OR4N5: variants seen among roughly 807,000 people sequenced by gnomAD.
OR4N5 encodes olfactory receptor 4N5.
For synonymous variants in OR4N5, 155 were observed against 140.6 expected, an observed-to-expected ratio of 1.10 and a Z score of -0.72; for missense variants, 428 against 370.0, an observed-to-expected ratio of 1.16 and a Z score of -1.29.
At position 20,144,654 on chromosome 14, in the gene OR4N5, T is replaced by A. The variant is rs147051527; in HGVS notation, c.919T>A (p.Phe307Ile). Residue 307 changes from phenylalanine to isoleucine, a missense_variant, in exon 3 of 3, where the codon TTT (phenylalanine) becomes ATT (isoleucine). Coordinates refer to ENST00000641086, the MANE Select transcript of OR4N5 (RefSeq NM_001004724.2). ...SMRKLLSQHM[F>I]C ...GAGGAAGTTGTTAAGTCAACATATG[T>A]TTTGCTGAATAGAAGAAAGAGAAAA... The A allele has an allele frequency of 6.3e-7, 1 of 1,599,016 alleles. No individual in the cohort carries two copies. Among genetic ancestry groups the A allele is most frequent in the Non-Finnish European group, 8.5e-7 (1 of 1,173,234 alleles).
At position 20,145,213 on chromosome 14, in the gene OR4N5, G is replaced by T. The variant is rs1412746925; in HGVS notation, c.*551G>T. 6.6e-6 allele frequency: 1 copy of T among 152,082 alleles called. No individual in the cohort carries two copies. The highest frequency in any genetic ancestry group is 1.9e-4 in the East Asian group (1 of 5,192). 9.4% of individuals were successfully genotyped at this position (152,082 alleles called of 1,614,324 possible). A position where few individuals can be genotyped will look rare whatever the true frequency, so the allele number is the denominator to read the frequency against. On this transcript the variant is annotated 3_prime_UTR_variant, in exon 3 of 3. Transcript: ENST00000641086. Reference sequence around the variant, plus strand: ...TACTATATTTAGTGAATGTGAAAATGGCAAAAATTGAAGTCAAAGAATTTG... The same window carrying T: ...TACTATATTTAGTGAATGTGAAAATTGCAAAAATTGAAGTCAAAGAATTTG...
At chr14:20,142,866 T>C (rs1258386290) in intron 2 of OR4N5, among the ~76,000 whole-genome samples, 1 of 152,242 alleles carries the variant, frequency 6.6e-6, no homozygotes, top group East Asian at 1.9e-4. Flanking sequence ...CTATTATATT[T>C]TAATTTTATT....
Position 20,144,543 on chromosome 14 carries a change from G to C in OR4N5, c.808G>C (p.Val270Leu). 6.2e-7 allele frequency: 1 copy of C among 1,613,968 alleles called. No homozygotes were observed. The highest frequency in any genetic ancestry group is 2.2e-5 in the East Asian group (1 of 44,870). Residue 270 changes from valine to leucine, a missense_variant, in exon 3 of 3, where the codon GTA (valine) becomes CTA (leucine). Coordinates refer to ENST00000641086, the MANE Select transcript of OR4N5 (RefSeq NM_001004724.2). ...CTTCCAGGCTTTCCCAGCTGACAAG[G>C]TAGTTTCTCTTTTCCATACTGTCAT... ...CPFQAFPADK[V>L]VSLFHTVIFP...
chr14:20,140,855 GC>G lies in OR4N5; in HGVS notation c.-364del, dbSNP rs1394118324. ...CTTATCTGACTAGAACAAGAAGTTT[GC>G]CCCTGTGAGATCCATTGTTTGGTGC... On this transcript the variant is annotated 5_prime_UTR_variant, in exon 2 of 3. Coordinates refer to ENST00000641086, the MANE Select transcript of OR4N5 (RefSeq NM_001004724.2). 1.3e-5 allele frequency: 2 copies of G among 151,174 alleles called. No homozygotes were observed. Among genetic ancestry groups the G allele is most frequent in the Non-Finnish European group, 2.9e-5 (2 of 67,882 alleles). 9.4% of individuals were successfully genotyped at this position (151,174 alleles called of 1,614,324 possible). A position where few individuals can be genotyped will look rare whatever the true frequency, so the allele number is the denominator to read the frequency against.
chr14:20,139,499 A>T (rs1201847749), intron 1 of OR4N5, among the ~76,000 whole-genome samples: 1 of 152,144 alleles, frequency 6.6e-6, no homozygotes, highest in Non-Finnish European at 1.5e-5. Context: ...GACCCTTCCT[A>T]GAACCTCCAC....
In OR4N5 at chr14:20,144,023, C is replaced by T; in HGVS notation, c.288C>T (p.Ser96=). ...AGAAGAAGGTAATCTCCTATAGAAGCTGCATCACTCAGCTCTTTTTCTTGC... is the reference window on the plus strand; with the variant it reads ...AGAAGAAGGTAATCTCCTATAGAAGTTGCATCACTCAGCTCTTTTTCTTGC... ...LSEKKVISYR[S]CITQLFFLHF... Residue 96 remains serine (S), a synonymous_variant, in exon 3 of 3, where the codon AGC becomes AGT. Transcript: ENST00000641086. 1.2e-6 allele frequency: 2 copies of T among 1,614,098 alleles called. No individual in the cohort carries two copies. The highest frequency in any genetic ancestry group is 1.7e-6 in the Non-Finnish European group (2 of 1,179,994).
At position 20,143,792 on chromosome 14, in the gene OR4N5, GTCTCAAGATGC is replaced by G; in HGVS notation, c.60_70del (p.Gln21ThrfsTer64). 7 of 1,613,932 alleles carry G rather than the reference GTCTCAAGATGC, an allele frequency of 4.3e-6. No homozygotes were observed. Among genetic ancestry groups the G allele is most frequent in the Non-Finnish European group, 5.9e-6 (7 of 1,179,864 alleles). ...AATTCATTCTTCTTGGTCTGACCCA[GTCTCAAGATGC>G]TCAACTTCTGGTCTTTGTGCTAGTC... On this transcript the variant is annotated frameshift_variant, in exon 3 of 3. Coordinates refer to ENST00000641086, the MANE Select transcript of OR4N5 (RefSeq NM_001004724.2). LOFTEE classifies it low-confidence loss of function (END_TRUNC).
intron 2 of OR4N5, 105 bp from the exon 3 acceptor site, chr14:20,143,620 C>T (rs1315006626): frequency 1.6e-5 from 12 of 766,128 alleles, no homozygotes; most frequent in Non-Finnish European, 1.7e-5. Context: ...TCTTCAGCTA[C>T]GGAACATTGG....
intron 2 of OR4N5, among the ~76,000 whole-genome samples, chr14:20,142,189 G>C (rs143638650): frequency 0.018 from 2,721 of 151,726 alleles, 33 homozygotes; most frequent in Middle Eastern, 0.052. Flanking sequence ...ACAGTGGTGC[G>C]ATCTCAGCTC....
In OR4N5 at chr14:20,144,497, T is replaced by C; in HGVS notation, c.762T>C (p.Ala254=). 1 of 1,613,894 alleles carries C rather than the reference T, an allele frequency of 6.2e-7. No homozygotes were observed. Among genetic ancestry groups the C allele is most frequent in the South Asian group, 1.1e-5 (1 of 91,068 alleles). Reference sequence around the variant, plus strand: ...TTATATTTCTCATGTTTGGACCTGCTATTTTCATCTACACTTGCCCCTTCC... The same window carrying C: ...TTATATTTCTCATGTTTGGACCTGCCATTTTCATCTACACTTGCCCCTTCC... ...IIIIFLMFGP[A]IFIYTCPFQA... The change falls in exon 3 of 3, where the codon GCT becomes GCC. Residue 254 remains alanine, a synonymous_variant. Coordinates refer to ENST00000641086, the MANE Select transcript of OR4N5 (RefSeq NM_001004724.2).
intron 1 of OR4N5, among the ~76,000 whole-genome samples, chr14:20,139,750 T>C (rs1479364910): frequency 1.3e-5 from 2 of 152,150 alleles, no homozygotes; most frequent in Non-Finnish European, 1.5e-5. Flanking sequence ...TTCTCTTTAA[T>C]AGATTCAAAA....
In OR4N5 at chr14:20,143,708, C is replaced by T; in HGVS notation, c.-11-17C>T. The T allele has an allele frequency of 6.7e-7, 1 of 1,497,734 alleles. No individual in the cohort carries two copies. Among genetic ancestry groups the T allele is most frequent in the Middle Eastern group, 1.8e-4 (1 of 5,682 alleles). The allele number at this position is 1,497,734 out of a possible 1,614,324, so 92.8% of individuals were successfully genotyped here. A position where few individuals can be genotyped will look rare whatever the true frequency, so the allele number is the denominator to read the frequency against. On this transcript the variant is annotated splice_polypyrimidine_tract_variant and intron_variant, in intron 2 of 2. Transcript: ENST00000641086. ...GTGGTTATAACAGATAACAATTTGC[C>T]CTATTTTATTCTGCAGAGTGAGAAA... is the stretch of plus-strand genomic sequence containing the variant.
chr14:20,143,482 G>A (rs1878657256), intron 2 of OR4N5, among the ~76,000 whole-genome samples: 1 of 152,166 alleles, frequency 6.6e-6, no homozygotes, highest in Non-Finnish European at 1.5e-5. Context: ...CTACAGGAGT[G>A]AAGTTACCTA....
intron 1 of OR4N5, among the ~76,000 whole-genome samples, chr14:20,139,207 A>G (rs1878568488): frequency 1.3e-5 from 2 of 152,186 alleles, no homozygotes; most frequent in African/African-American, 4.8e-5. Flanking sequence ...TTCAATTTGT[A>G]TATAATACAA....
chr14:20,144,734 A>G lies in OR4N5; in HGVS notation c.*72A>G. 1.1e-6 allele frequency: 1 copy of G among 924,362 alleles called. No homozygotes were observed. The highest frequency in any genetic ancestry group is 1.7e-6 in the Non-Finnish European group (1 of 601,096). The allele number at this position is 924,362 out of a possible 1,614,324, so 57.3% of individuals were successfully genotyped here. On this transcript the variant is annotated 3_prime_UTR_variant, in exon 3 of 3. Transcript: ENST00000641086. ...AGCTAAATCATTTCCTCATTCATGC[A>G]TTGAATCAGTCAGTCATTTAGCAAG...
At position 20,144,680 on chromosome 14, in the gene OR4N5, G is replaced by T; in HGVS notation, c.*18G>T. 1 of 1,532,366 alleles carries T rather than the reference G, an allele frequency of 6.5e-7. No homozygotes were observed. The highest frequency in any genetic ancestry group is 1.2e-5 in the South Asian group (1 of 83,134). 94.9% of individuals were successfully genotyped at this position (1,532,366 alleles called of 1,614,324 possible). A position where few individuals can be genotyped will look rare whatever the true frequency, so the allele number is the denominator to read the frequency against. On this transcript the variant is annotated 3_prime_UTR_variant, in exon 3 of 3. Coordinates refer to ENST00000641086, the MANE Select transcript of OR4N5 (RefSeq NM_001004724.2). ...TTTGCTGAATAGAAGAAAGAGAAAA[G>T]CAAGAACGGAGAAAGTCCAGTTGAA... is the stretch of plus-strand genomic sequence containing the variant.
chr14:20,143,567 A>T (rs1594205381), intron 2 of OR4N5, among the ~76,000 whole-genome samples, 158 bp from the exon 3 acceptor site: 1 of 152,252 alleles, frequency 6.6e-6, no homozygotes, highest in Non-Finnish European at 1.5e-5. Context: ...AATAAAGAGG[A>T]TGAAGAATAG....
rs147549956 is a variant in OR4N5 at position 20,144,333 on chromosome 14, G to A, written c.598G>A (p.Val200Ile). Residue 200 changes from valine (V) to isoleucine (I), a missense_variant, in exon 3 of 3, where the codon GTC becomes ATC. By Grantham distance (29) the Val-to-Ile change is conservative (BLOSUM62 3). Coordinates refer to ENST00000641086, the MANE Select transcript of OR4N5 (RefSeq NM_001004724.2). ...TACCTTTGTGGTGGAGCTTCTGATG[G>A]TCTCCAACAGTGGCCTGCTCAGCCT... Reference protein sequence around the residue: ...TNTFVVELLMVSNSGLLSLLC... With the variant: ...TNTFVVELLMISNSGLLSLLC... 186 of 1,613,818 alleles carry A rather than the reference G, an allele frequency of 1.2e-4. No homozygotes were observed. The highest frequency in any genetic ancestry group is 1.4e-4 in the Non-Finnish European group (167 of 1,179,978).
intron 2 of OR4N5, among the ~76,000 whole-genome samples, chr14:20,142,121 A>AAT (rs200213911): frequency 1.5e-4 from 23 of 151,616 alleles, no homozygotes; most frequent in South Asian, 1.0e-3. Context: ...TACAATCACA[A>AAT]ATATATATAT....
Sources: allele counts gnomAD v4.1 joint callset (sites outside exome capture counted in the v4.1 genomes callset), GRCh38; gene constraint gnomAD v4.1.1; transcripts MANE v1.5; gene names NCBI Gene and HGNC (gene_info 2026-07-23, HGNC 2026-07-21).